Variants in KIF4B observed in about 807,000 individuals in gnomAD.
KIF4B encodes the protein kinesin family member 4B.
In KIF4B, 60 loss-of-function variants were observed where a neutral mutation model predicts 69.0. The observed-to-expected ratio is 0.87, with a 90% CI of 0.71 to 1.08. The LOEUF (loss-of-function observed/expected upper bound fraction) is 1.08. KIF4B is among the 50% of genes least tolerant of loss of function. The pLI is 0.00. For synonymous variants in KIF4B, 489 were observed against 533.0 expected (o/e 0.92, Z 1.14); for missense variants, 1,357 against 1,451.9 (o/e 0.93, Z 1.06).
chr5:155,015,094 A>T lies in KIF4B; in HGVS notation c.1235A>T (p.Gln412Leu). The part of the protein sequence containing the change: ...LSRCLSKAAG[Q>L]TAQMLERIIL... ...CGTTGTCTGAGCAAGGCAGCTGGTCAGACAGCCCAGATGTTGGAGAGGATC... is the reference window on the plus strand; with the variant it reads ...CGTTGTCTGAGCAAGGCAGCTGGTCTGACAGCCCAGATGTTGGAGAGGATC... Residue 412 changes from glutamine to leucine, a missense_variant, in exon 1 of 1, where the codon CAG becomes CTG. Gln to Leu is a moderately radical substitution (Grantham distance 113, BLOSUM62 -2). Transcript: ENST00000435029. 1 of 1,614,226 alleles carries T rather than the reference A, an allele frequency of 6.2e-7. No individual in the cohort carries two copies. Among genetic ancestry groups the T allele is most frequent in the Non-Finnish European group, 8.5e-7 (1 of 1,180,038 alleles).
rs1424599915 is a variant in KIF4B at position 155,016,388 on chromosome 5, TG to T, written c.2530del (p.Ala844GlnfsTer24). The stretch of plus-strand genomic sequence containing the variant: ...CTGACCTACAGCAGAAGCTGCTGGA[TG>T]CAGAAAGTGAAGATAGGCCAAAACA... ...IADLQQKLLD[A>X]ESEDRPKQCW... On this transcript the variant is annotated frameshift_variant, in exon 1 of 1. Coordinates refer to ENST00000435029, the MANE Select transcript of KIF4B (RefSeq NM_001099293.3). LOFTEE classifies it high-confidence loss of function. 3.7e-6 allele frequency: 6 copies of T among 1,614,092 alleles called. No homozygotes were observed. The Admixed American group carries it at 1.0e-4, about 27-fold the overall frequency.
chr5:155,017,468 A>G lies in KIF4B; in HGVS notation c.3609A>G (p.Gln1203=). The change falls in exon 1 of 1, where the codon CAA becomes CAG. Residue 1203 remains glutamine (Q), a synonymous_variant. Coordinates refer to ENST00000435029, the MANE Select transcript of KIF4B (RefSeq NM_001099293.3). ...CGAAACATGGAGCAACAGAATACCA[A>G]CAAAATAAGCCTCCAGGGAAGAAAA... The part of the protein sequence containing the change: ...PESKHGATEY[Q]QNKPPGKKKK... 3 of 1,614,138 alleles carry G rather than the reference A, an allele frequency of 1.9e-6. No individual in the cohort carries two copies. Among genetic ancestry groups the G allele is most frequent in the East Asian group, 2.2e-5 (1 of 44,878 alleles).
rs1329512289 is a variant in KIF4B at position 155,017,559 on chromosome 5, C to T, written c.3700C>T (p.His1234Tyr). The stretch of plus-strand genomic sequence containing the variant: ...CTGCTCCCCTATCGAAGAAGAGGCC[C>T]ACTGAAGTTGGAGTCATCATCTCTA... The part of the protein sequence containing the change: ...SGCSPIEEEA[H>Y] Residue 1234 changes from histidine (H) to tyrosine (Y), a missense_variant, in exon 1 of 1, where the codon CAC becomes TAC. Coordinates refer to ENST00000435029, the MANE Select transcript of KIF4B (RefSeq NM_001099293.3). The T allele has an allele frequency of 6.2e-7, 1 of 1,611,842 alleles. No individual in the cohort carries two copies. Among genetic ancestry groups the T allele is most frequent in the Non-Finnish European group, 8.5e-7 (1 of 1,179,710 alleles).
In KIF4B at chr5:155,014,080, A is replaced by G; in HGVS notation, c.221A>G (p.Lys74Arg). 6.2e-7 allele frequency: 1 copy of G among 1,614,232 alleles called. No individual in the cohort carries two copies. The highest frequency in any genetic ancestry group is 1.1e-5 in the South Asian group (1 of 91,078). ...VFNKAVAPLI[K>R]GIFKGYNATV... is the part of the protein sequence containing the mutation. ...AATAAAGCAGTAGCGCCGCTCATAA[A>G]AGGCATATTTAAAGGATATAATGCA... is the stretch of plus-strand genomic sequence containing the variant. Residue 74 changes from lysine to arginine, a missense_variant, in exon 1 of 1, where the codon AAA becomes AGA. Physicochemically the swap from Lys to Arg is conservative, Grantham distance 26. Coordinates refer to ENST00000435029, the MANE Select transcript of KIF4B (RefSeq NM_001099293.3).
chr5:155,014,501 C>A lies in KIF4B; in HGVS notation c.642C>A (p.Ala214=). 1 of 1,614,076 alleles carries A rather than the reference C, an allele frequency of 6.2e-7. No individual in the cohort carries two copies. The highest frequency in any genetic ancestry group is 8.5e-7 in the Non-Finnish European group (1 of 1,179,966). ...ACTCCCAGTCGTCCCGATCTCATGCCATCTTTACAATCTCCATAGAGCAAA... is the reference window on the plus strand; with the variant it reads ...ACTCCCAGTCGTCCCGATCTCATGCAATCTTTACAATCTCCATAGAGCAAA... The part of the protein sequence containing the change: ...AMNSQSSRSH[A]IFTISIEQRK... The change falls in exon 1 of 1, where the codon GCC becomes GCA. Residue 214 remains alanine, a synonymous_variant. Transcript: ENST00000435029.
Position 155,016,034 on chromosome 5 carries a change from A to T in KIF4B, c.2175A>T (p.Thr725=), listed in dbSNP as rs947905574. 1.9e-6 allele frequency: 3 copies of T among 1,614,188 alleles called. No individual in the cohort carries two copies. In the Admixed American group the frequency reaches 5.0e-5, roughly 27 times the overall value. Residue 725 remains threonine (T), a synonymous_variant, in exon 1 of 1, where the codon ACA becomes ACT. Coordinates refer to ENST00000435029, the MANE Select transcript of KIF4B (RefSeq NM_001099293.3). ...KDALQKQREV[T]DKRKETQSHG... ...CTCTCCAGAAACAACGAGAGGTCACAGATAAGCGGAAAGAGACTCAGAGCC... is the reference window on the plus strand; with the variant it reads ...CTCTCCAGAAACAACGAGAGGTCACTGATAAGCGGAAAGAGACTCAGAGCC...
At position 155,014,064 on chromosome 5, in the gene KIF4B, G is replaced by C; in HGVS notation, c.205G>C (p.Val69Leu). ...TEQEEVFNKA[V>L]APLIKGIFKG... ...GCAGGAAGAAGTCTTCAATAAAGCA[G>C]TAGCGCCGCTCATAAAAGGCATATT... Residue 69 changes from valine to leucine, a missense_variant, in exon 1 of 1, where the codon GTA (valine) becomes CTA (leucine). Coordinates refer to ENST00000435029, the MANE Select transcript of KIF4B (RefSeq NM_001099293.3). The C allele has an allele frequency of 6.2e-7, 1 of 1,614,206 alleles. No individual in the cohort carries two copies. Among genetic ancestry groups the C allele is most frequent in the African/African-American group, 1.3e-5 (1 of 75,042 alleles).
Position 155,013,821 on chromosome 5 carries a change from G to T in KIF4B, c.-39G>T, listed in dbSNP as rs779031812. Reference sequence around the variant, plus strand: ...CGGCGGGAGACCCCGGGTGAACGGGGAAGGGACATTTAGTTTGAGACGGTG... The same window carrying T: ...CGGCGGGAGACCCCGGGTGAACGGGTAAGGGACATTTAGTTTGAGACGGTG... On this transcript the variant is annotated 5_prime_UTR_variant, in exon 1 of 1. Transcript: ENST00000435029. 6.2e-7 allele frequency: 1 copy of T among 1,607,838 alleles called. No homozygotes were observed. Among genetic ancestry groups the T allele is most frequent in the African/African-American group, 1.3e-5 (1 of 74,822 alleles).
chr5:155,016,946 T>C lies in KIF4B; in HGVS notation c.3087T>C (p.Arg1029=), dbSNP rs1765342352. 6.2e-7 allele frequency: 1 copy of C among 1,614,168 alleles called. No homozygotes were observed. Among genetic ancestry groups the C allele is most frequent in the Non-Finnish European group, 8.5e-7 (1 of 1,180,034 alleles). The change falls in exon 1 of 1, where the codon CGT becomes CGC. Residue 1029 remains arginine, a synonymous_variant. Coordinates refer to ENST00000435029, the MANE Select transcript of KIF4B (RefSeq NM_001099293.3). ...EYIPPKPKPS[R]VKEKFLEQSM... is the part of the protein sequence containing the mutation. ...TCCCACCTAAGCCAAAACCTTCTCG[T>C]GTTAAAGAAAAGTTTCTGGAGCAAA...
At position 155,016,052 on chromosome 5, in the gene KIF4B, T is replaced by C; in HGVS notation, c.2193T>C (p.Thr731=). The C allele has an allele frequency of 6.2e-7, 1 of 1,614,054 alleles. No homozygotes were observed. The highest frequency in any genetic ancestry group is 1.3e-5 in the African/African-American group (1 of 74,984). Reference sequence around the variant, plus strand: ...AGGTCACAGATAAGCGGAAAGAGACTCAGAGCCATGGAAAGGAAGGTATTG... The same window carrying C: ...AGGTCACAGATAAGCGGAAAGAGACCCAGAGCCATGGAAAGGAAGGTATTG... ...QREVTDKRKE[T]QSHGKEGIAA... is the part of the protein sequence containing the mutation. Residue 731 remains threonine (T), a synonymous_variant, in exon 1 of 1, where the codon ACT becomes ACC. Transcript: ENST00000435029.
At position 155,014,800 on chromosome 5, in the gene KIF4B, G is replaced by A. The variant is rs776449709; in HGVS notation, c.941G>A (p.Ser314Asn). ...NSHTLMIACV[S>N]PADSNLEETL... ...CACACTCTTATGATAGCCTGTGTGAGTCCTGCTGACTCCAATCTAGAGGAA... is the reference window on the plus strand; with the variant it reads ...CACACTCTTATGATAGCCTGTGTGAATCCTGCTGACTCCAATCTAGAGGAA... The change falls in exon 1 of 1, where the codon AGT (serine) becomes AAT (asparagine). Residue 314 changes from serine (S) to asparagine (N), a missense_variant. Coordinates refer to ENST00000435029, the MANE Select transcript of KIF4B (RefSeq NM_001099293.3). 1.9e-6 allele frequency: 3 copies of A among 1,614,050 alleles called. No individual in the cohort carries two copies. Among genetic ancestry groups the A allele is most frequent in the Admixed American group, 1.7e-5 (1 of 60,000 alleles).
rs749760982 is a variant in KIF4B, at chr5:155,017,239, A to T, written c.3380A>T (p.Asp1127Val). Residue 1127 changes from aspartate (D) to valine (V), a missense_variant, in exon 1 of 1, where the codon GAT becomes GTT. Asp to Val is a radical substitution (Grantham distance 152). Transcript: ENST00000435029. The stretch of plus-strand genomic sequence containing the variant: ...TGTCGGAACCGCCAGCAAGGCAAGG[A>T]TAGCTTGGGCACTGTTGAACAGACC... ...TKCRNRQQGK[D>V]SLGTVEQTQD... is the part of the protein sequence containing the mutation. The T allele has an allele frequency of 1.2e-6, 2 of 1,614,206 alleles. No homozygotes were observed. Among genetic ancestry groups the T allele is most frequent in the South Asian group, 2.2e-5 (2 of 91,086 alleles).
rs1765296386 is a variant in KIF4B, at chr5:155,014,843, C to T, written c.984C>T (p.Arg328=). 2 of 1,614,022 alleles carry T rather than the reference C, an allele frequency of 1.2e-6. No homozygotes were observed. Among genetic ancestry groups the T allele is most frequent in the South Asian group, 2.2e-5 (2 of 91,088 alleles). The change falls in exon 1 of 1, where the codon CGC becomes CGT. Residue 328 remains arginine (R), a synonymous_variant. Coordinates refer to ENST00000435029, the MANE Select transcript of KIF4B (RefSeq NM_001099293.3). ...SNLEETLSTL[R]YADRARKIKN... ...TAGAGGAAACATTAAGTACCCTTCG[C>T]TATGCTGACAGAGCAAGAAAAATCA...
rs1765335393 is a variant in KIF4B, at chr5:155,016,507, A to C, written c.2648A>C (p.Lys883Thr). 1 of 1,614,224 alleles carries C rather than the reference A, an allele frequency of 6.2e-7. No homozygotes were observed. The highest frequency in any genetic ancestry group is 1.3e-5 in the African/African-American group (1 of 75,062). The change falls in exon 1 of 1, where the codon AAA (lysine) becomes ACA (threonine). Residue 883 changes from lysine (K) to threonine (T), a missense_variant. Transcript: ENST00000435029. ...ELVSSKIHVT[K>T]LENSLRQSKA... Reference sequence around the variant, plus strand: ...GTCTCCTCCAAAATACATGTCACCAAACTTGAAAACAGCCTGAGACAGAGC... The same window carrying C: ...GTCTCCTCCAAAATACATGTCACCACACTTGAAAACAGCCTGAGACAGAGC...
chr5:155,016,536 G>A lies in KIF4B; in HGVS notation c.2677G>A (p.Ala893Thr), dbSNP rs539284143. Reference protein sequence around the residue: ...KLENSLRQSKASCADMQKMLF... With the variant: ...KLENSLRQSKTSCADMQKMLF... ...TGAAAACAGCCTGAGACAGAGCAAG[G>A]CCAGCTGTGCTGACATGCAGAAGAT... Residue 893 changes from alanine (A) to threonine (T), a missense_variant, in exon 1 of 1, where the codon GCC (alanine) becomes ACC (threonine). By Grantham distance (58) the Ala-to-Thr change is moderately conservative. Coordinates refer to ENST00000435029, the MANE Select transcript of KIF4B (RefSeq NM_001099293.3). 3.1e-6 allele frequency: 5 copies of A among 1,614,044 alleles called. No individual in the cohort carries two copies. The highest frequency in any genetic ancestry group is 2.7e-5 in the African/African-American group (2 of 74,910).
In KIF4B at chr5:155,016,814, A is replaced by G; in HGVS notation, c.2955A>G (p.Gln985=). ...GTGAGCAAAATCAGCAGCTTCTCCAAGAGAATGAAATCATCAAGCAGAAAC... is the reference window on the plus strand; with the variant it reads ...GTGAGCAAAATCAGCAGCTTCTCCAGGAGAATGAAATCATCAAGCAGAAAC... ...EVCEQNQQLL[Q]ENEIIKQKLI... is the part of the protein sequence containing the mutation. The change falls in exon 1 of 1, where the codon CAA becomes CAG. Residue 985 remains glutamine (Q), a synonymous_variant. Transcript: ENST00000435029. The G allele has an allele frequency of 6.2e-7, 1 of 1,614,186 alleles. No homozygotes were observed. Among genetic ancestry groups the G allele is most frequent in the Non-Finnish European group, 8.5e-7 (1 of 1,180,032 alleles).
chr5:155,016,920 A>G lies in KIF4B; in HGVS notation c.3061A>G (p.Ile1021Val). Residue 1021 changes from isoleucine to valine, a missense_variant, in exon 1 of 1, where the codon ATC (isoleucine) becomes GTC (valine). Coordinates refer to ENST00000435029, the MANE Select transcript of KIF4B (RefSeq NM_001099293.3). The stretch of plus-strand genomic sequence containing the variant: ...ATCTCCAGACTCTTCTTTTGAATAT[A>G]TCCCACCTAAGCCAAAACCTTCTCG... ...LLSPDSSFEYIPPKPKPSRVK... is the reference protein window; with the variant it reads ...LLSPDSSFEYVPPKPKPSRVK... 1 of 1,614,240 alleles carries G rather than the reference A, an allele frequency of 6.2e-7. No homozygotes were observed. Among genetic ancestry groups the G allele is most frequent in the Non-Finnish European group, 8.5e-7 (1 of 1,180,044 alleles).
In KIF4B at chr5:155,015,944, A is replaced by G. The variant is rs965699137; in HGVS notation, c.2085A>G (p.Lys695=). ...ELLKLERNFQ[K]QSSVLRRKTE... Reference sequence around the variant, plus strand: ...TCAAACTTGAAAGAAACTTCCAGAAACAATCCAGTGTGCTCAGACGTAAAA... The same window carrying G: ...TCAAACTTGAAAGAAACTTCCAGAAGCAATCCAGTGTGCTCAGACGTAAAA... Residue 695 remains lysine (K), a synonymous_variant, in exon 1 of 1, where the codon AAA becomes AAG. Transcript: ENST00000435029. 5.0e-6 allele frequency: 8 copies of G among 1,614,114 alleles called. No homozygotes were observed. In the African/African-American group the frequency reaches 9.3e-5, roughly 19 times the overall value.
chr5:155,017,585 C>T lies in KIF4B; in HGVS notation c.*21C>T, dbSNP rs749266393. On this transcript the variant is annotated 3_prime_UTR_variant, in exon 1 of 1. Coordinates refer to ENST00000435029, the MANE Select transcript of KIF4B (RefSeq NM_001099293.3). ...ACTGAAGTTGGAGTCATCATCTCTA[C>T]CCCCAATCTGGCTTGGGAGATGCTT... The T allele has an allele frequency of 1.7e-5, 27 of 1,602,444 alleles. No individual in the cohort carries two copies. In the East Asian group the frequency reaches 4.5e-4, roughly 26 times the overall value.
Sources: allele counts gnomAD v4.1 joint callset, GRCh38; gene constraint gnomAD v4.1.1; transcripts MANE v1.5; gene names NCBI Gene and HGNC (gene_info 2026-07-23, HGNC 2026-07-21).